IFT25: variants seen among roughly 807,000 people sequenced by gnomAD.
IFT25 encodes intraflagellar transport 25, also known as intraflagellar transport protein 25 homolog.
At chr1:53,921,011 A>C in the IFT25 span, among the ~76,000 whole-genome samples, 1 of 152,136 alleles carries the variant, frequency 6.6e-6, no homozygotes, top group African/African-American at 2.4e-5. Flanking sequence ...CTTCTCTACA[A>C]AAAATACAAA....
chr1:53,938,450 G>A, the IFT25 span, among the ~76,000 whole-genome samples: 2 of 152,160 alleles, frequency 1.3e-5, no homozygotes, highest in Non-Finnish European at 1.5e-5. Flanking sequence ...AGAGATAAAC[G>A]AATCTGAGGA....
At chr1:53,927,061 G>C in the IFT25 span, among the ~76,000 whole-genome samples, 302 of 152,208 alleles carry the variant, frequency 2.0e-3, 1 homozygote, top group African/African-American at 7.2e-3. Flanking sequence ...TCTATTCGTG[G>C]TTTCACTTAA....
chr1:53,922,079 T>C, the IFT25 span, among the ~76,000 whole-genome samples: 1 of 152,298 alleles, frequency 6.6e-6, no homozygotes, highest in Non-Finnish European at 1.5e-5. Flanking sequence ...AGGCATGAGC[T>C]ACCATGCCCA....
the IFT25 span, chr1:53,924,072 C>G: frequency 1.2e-5 from 8 of 671,576 alleles, no homozygotes; most frequent in Non-Finnish European, 2.1e-5. Flanking sequence ...AAGGAATCAT[C>G]GTTTGCATGT....
the IFT25 span, among the ~76,000 whole-genome samples, chr1:53,919,800 T>C: frequency 1.3e-5 from 2 of 151,926 alleles, no homozygotes; most frequent in Non-Finnish European, 2.9e-5. Flanking sequence ...TTTTTCCTTT[T>C]TTTTTTTGAG....
At chr1:53,925,703 CATACTT>C in the IFT25 span, among the ~76,000 whole-genome samples, 1 of 150,400 alleles carries the variant, frequency 6.6e-6, no homozygotes, top group Non-Finnish European at 1.5e-5. Context: ...AAATATCAAA[CATACTT>C]AGGAGAGAAC....
the IFT25 span, among the ~76,000 whole-genome samples, chr1:53,914,361 T>G: frequency 6.6e-6 from 1 of 152,302 alleles, no homozygotes; most frequent in Middle Eastern, 3.4e-3. Flanking sequence ...AAAATGTTTT[T>G]CTTTTTATAA....
the IFT25 span, among the ~76,000 whole-genome samples, chr1:53,944,290 G>C: frequency 2.0e-5 from 3 of 152,198 alleles, no homozygotes; most frequent in East Asian, 5.8e-4. Context: ...AACAGCTTGA[G>C]CTCACAAGTT....
the IFT25 span, among the ~76,000 whole-genome samples, chr1:53,913,941 G>A: frequency 9.2e-5 from 14 of 152,342 alleles, no homozygotes; most frequent in African/African-American, 3.1e-4. Context: ...CCAGCCTCCA[G>A]AGTGGTGAGA....
At chr1:53,915,340 A>G in the IFT25 span, among the ~76,000 whole-genome samples, 1 of 152,194 alleles carries the variant, frequency 6.6e-6, no homozygotes, top group Admixed American at 6.5e-5. Flanking sequence ...GGCTGTCCCT[A>G]TAAGGGTGAG....
At chr1:53,932,145 G>A in the IFT25 span, among the ~76,000 whole-genome samples, 30 of 152,272 alleles carry the variant, frequency 2.0e-4, no homozygotes, top group African/African-American at 7.2e-4. Flanking sequence ...GAGGTCAGCA[G>A]TTCAAGACCA....
chr1:53,923,152 T>C, the IFT25 span, among the ~76,000 whole-genome samples: 7 of 152,340 alleles, frequency 4.6e-5, no homozygotes, highest in African/African-American at 1.7e-4. Context: ...AAGGAACTAA[T>C]GGGATTCAAA....
the IFT25 span, among the ~76,000 whole-genome samples, chr1:53,911,711 C>T: frequency 2.0e-5 from 3 of 152,054 alleles, no homozygotes; most frequent in Admixed American, 6.6e-5. Context: ...AGTAACAAGC[C>T]GAGATTCAAA....
chr1:53,913,161 C>T, the IFT25 span, among the ~76,000 whole-genome samples: 2 of 152,208 alleles, frequency 1.3e-5, no homozygotes, highest in South Asian at 4.1e-4. Context: ...CAGCCAGTGA[C>T]TGATGGATTT....
chr1:53,928,722 A>C, the IFT25 span: 110 of 328,820 alleles, frequency 3.3e-4, no homozygotes, highest in Middle Eastern at 8.8e-4. Context: ...TATGGCGATA[A>C]TACTACTATT....
At chr1:53,938,296 T>C in the IFT25 span, among the ~76,000 whole-genome samples, 1 of 152,350 alleles carries the variant, frequency 6.6e-6, no homozygotes, top group Non-Finnish European at 1.5e-5. Flanking sequence ...TTTCCAGTAT[T>C]AGTCAAGTTT....
chr1:53,920,797 G>A, the IFT25 span, among the ~76,000 whole-genome samples: 7 of 150,266 alleles, frequency 4.7e-5, no homozygotes, highest in African/African-American at 1.5e-4. Context: ...TGGGTGACAG[G>A]GCAAGACTTT....
At chr1:53,938,301 A>C in the IFT25 span, among the ~76,000 whole-genome samples, 1 of 152,240 alleles carries the variant, frequency 6.6e-6, no homozygotes, top group Non-Finnish European at 1.5e-5. Flanking sequence ...AGTATTAGTC[A>C]AGTTTGACTC....
the IFT25 span, among the ~76,000 whole-genome samples, chr1:53,930,917 A>G: frequency 4.6e-5 from 7 of 152,170 alleles, no homozygotes; most frequent in Non-Finnish European, 4.4e-5. Context: ...AGAAATAATC[A>G]TTTCTATTTT....
Sources: gnomAD v4.1 joint callset for allele counts (sites outside exome capture counted in the v4.1 genomes callset) on GRCh38, gnomAD v4.1.1 for gene constraint, MANE v1.5 for transcripts, NCBI Gene and HGNC (gene_info 2026-07-23, HGNC 2026-07-21) for gene names.